TET3: variants seen among roughly 807,000 people sequenced by gnomAD.
The protein encoded by TET3 is tet methylcytosine dioxygenase 3.
TET3 carries 19 observed loss-of-function variants against 141.4 expected under a neutral mutation model. The ratio of observed to expected loss-of-function variants is 0.13; its 90% CI spans 0.09 to 0.20. TET3 has a LOEUF of 0.20. Among genes scored for constraint, TET3 ranks in the 10% least tolerant of loss-of-function variants. The pLI, the probability that TET3 is intolerant of heterozygous loss-of-function variation, is 1.00. For synonymous variants in TET3, 1,043 were observed against 980.9 expected (o/e 1.06, Z -1.18); for missense variants, 1,874 against 2,356.9 (o/e 0.80, Z 4.24).
chr2:74,101,643 A>G lies in TET3; in HGVS notation c.4855A>G (p.Lys1619Glu), dbSNP rs373142753. ...GGGGCCGGCTGAGGAGCCCCCCAGCAAGGGAGCGGTGAAGGAGGAGAAGGG... is the reference window on the plus strand; with the variant it reads ...GGGGCCGGCTGAGGAGCCCCCCAGCGAGGGAGCGGTGAAGGAGGAGAAGGG... ...EEGPAEEPPSKGAVKEEKGGG... is the reference protein window; with the variant it reads ...EEGPAEEPPSEGAVKEEKGGG... Residue 1619 changes from lysine (K) to glutamate (E), a missense_variant, in exon 12 of 12, where the codon AAG (lysine) becomes GAG (glutamate). By Grantham distance (56) the Lys-to-Glu change is moderately conservative (BLOSUM62 1). Around this residue, in one of 10 missense-constraint regions of TET3, gnomAD observed 602 missense variants for 590.2 expected, o/e 1.02. Coordinates refer to ENST00000409262, the MANE Select transcript of TET3 (RefSeq NM_001287491.2). This position sits in a 1 kb window ranked among gnomAD's most constrained non-coding sequence, Gnocchi z 8.5. The G allele has an allele frequency of 5.0e-6, 8 of 1,613,600 alleles. No individual in the cohort carries two copies. Among genetic ancestry groups the G allele is most frequent in the Non-Finnish European group, 5.9e-6 (7 of 1,179,802 alleles).
At chr2:73,984,765 AC>A (rs1304799624), upstream of TET3, among the ~76,000 whole-genome samples, 1 of 142,202 alleles carries the variant, frequency 7.0e-6, no homozygotes, top group Non-Finnish European at 1.5e-5. This position sits in a 1 kb window ranked among gnomAD's most constrained non-coding sequence, Gnocchi z 5.6. Flanking sequence ...CGCCCACCCG[AC>A]CCCTCCCCTC....
At chr2:74,099,844 G>T (rs779896319) in intron 11 of TET3, among the ~76,000 whole-genome samples, 1 of 152,110 alleles carries the variant, frequency 6.6e-6, no homozygotes, top group African/African-American at 2.4e-5. Context: ...GAAGCACTGG[G>T]TTTCTCCTCT....
the TET3 span, among the ~76,000 whole-genome samples, chr2:74,116,747 A>AT: frequency 6.6e-6 from 1 of 151,874 alleles, no homozygotes; most frequent in Middle Eastern, 3.2e-3. Context: ...ATTATTTGTC[A>AT]ATTTAAAAAA....
At chr2:74,112,811 G>C (rs141883935), downstream of TET3, among the ~76,000 whole-genome samples, 5 of 151,706 alleles carry the variant, frequency 3.3e-5, no homozygotes, top group African/African-American at 9.7e-5. Flanking sequence ...GACCAGCCTG[G>C]CCAACACGGT....
At chr2:74,132,315 A>T in the TET3 span, among the ~76,000 whole-genome samples, 1 of 152,016 alleles carries the variant, frequency 6.6e-6, no homozygotes, top group East Asian at 1.9e-4. Flanking sequence ...TGCTCTTACA[A>T]CGCGTTAGGC....
chr2:74,134,836 C>G, the TET3 span: 2 of 448,954 alleles, frequency 4.5e-6, no homozygotes, highest in Admixed American at 4.7e-5. Context: ...CTGCCACTAC[C>G]ACCATCCAGA....
intron 5 of TET3, among the ~76,000 whole-genome samples, chr2:74,076,283 T>G (rs960287209): frequency 4.6e-5 from 7 of 152,216 alleles, no homozygotes; most frequent in African/African-American, 1.7e-4. Flanking sequence ...GCAACTGGTT[T>G]ATTTTTATCT....
chr2:74,001,534 C>CTAGG (rs1684848390), intron 2 of TET3, among the ~76,000 whole-genome samples: 1 of 152,186 alleles, frequency 6.6e-6, no homozygotes, highest in Non-Finnish European at 1.5e-5. Context: ...TTACAACCAG[C>CTAGG]TAGGTAGTGA....
intron 4 of TET3, among the ~76,000 whole-genome samples, chr2:74,051,823 A>G (rs557802461): frequency 1.8e-4 from 28 of 152,274 alleles, no homozygotes; most frequent in South Asian, 1.7e-3. Flanking sequence ...AGGCAGTTGG[A>G]CTCTTAACCA....
intron 4 of TET3, among the ~76,000 whole-genome samples, chr2:74,072,042 A>G (rs1461028659): frequency 6.6e-6 from 1 of 152,178 alleles, no homozygotes; most frequent in African/African-American, 2.4e-5. Flanking sequence ...AAATATTTTC[A>G]TGATTCCAAA....
At chr2:74,011,539 C>T (rs542218449) in intron 3 of TET3, among the ~76,000 whole-genome samples, 5 of 152,206 alleles carry the variant, frequency 3.3e-5, no homozygotes, top group African/African-American at 4.8e-5. Flanking sequence ...GTGGGTTCCC[C>T]CTGTGATAGG....
chr2:74,135,495 A>G, the TET3 span: 3 of 1,545,954 alleles, frequency 1.9e-6, no homozygotes, highest in Non-Finnish European at 2.7e-6. Context: ...GTATATGAGC[A>G]AAATATATAA....
Position 74,104,821 on chromosome 2 carries a change from C to T in TET3, c.*2645C>T. The T allele has an allele frequency of 4.7e-6, 1 of 213,590 alleles. No individual in the cohort carries two copies. Among genetic ancestry groups the T allele is most frequent in the Non-Finnish European group, 9.1e-6 (1 of 109,422 alleles). The allele number at this position is 213,590 out of a possible 1,614,324, so 13.2% of individuals were successfully genotyped here. Reference sequence around the variant, plus strand: ...CCAAACAGCCTTGGTTCATCAGTTTCTGCAGTAGGAGATAGGCTGCTGAGA... The same window carrying T: ...CCAAACAGCCTTGGTTCATCAGTTTTTGCAGTAGGAGATAGGCTGCTGAGA... On this transcript the variant is annotated 3_prime_UTR_variant, in exon 12 of 12. Transcript: ENST00000409262.
intron 4 of TET3, among the ~76,000 whole-genome samples, chr2:74,062,838 C>A (rs1422000599): frequency 6.6e-6 from 1 of 150,750 alleles, no homozygotes; most frequent in East Asian, 1.9e-4. Context: ...AAAAGAGAAC[C>A]GTATGCTGAA....
intron 3 of TET3, among the ~76,000 whole-genome samples, chr2:74,003,457 A>G (rs1573660168): frequency 7.3e-6 from 1 of 136,858 alleles, no homozygotes; most frequent in Non-Finnish European, 1.5e-5. Flanking sequence ...AAGACATGCA[A>G]CCCACTCCCC....
chr2:74,019,735 G>T (rs1685929827), intron 3 of TET3, among the ~76,000 whole-genome samples: 2 of 152,354 alleles, frequency 1.3e-5, no homozygotes, highest in East Asian at 3.9e-4. Flanking sequence ...CCTGCAGGCT[G>T]TGATCTGGAT....
rs1465472441 is a variant in TET3, at chr2:73,986,390, C to T, written c.-14C>T. ...TTCTGCCCCAGCACCTATGACCCCA[C>T]CTCTGGCAGCATCATGAGCCAGTTT... On this transcript the variant is annotated 5_prime_UTR_variant, in exon 2 of 12. Transcript: ENST00000409262. 5.7e-6 allele frequency: 7 copies of T among 1,232,094 alleles called. No homozygotes were observed. Among genetic ancestry groups the T allele is most frequent in the African/African-American group, 4.7e-5 (3 of 64,432 alleles). 76.3% of individuals were successfully genotyped at this position (1,232,094 alleles called of 1,614,324 possible).
Position 74,105,013 on chromosome 2 carries a change from T to C in TET3, c.*2837T>C. 2.5e-6 allele frequency: 1 copy of C among 397,488 alleles called. No homozygotes were observed. The highest frequency in any genetic ancestry group is 4.4e-6 in the Non-Finnish European group (1 of 225,894). 24.6% of individuals were successfully genotyped at this position (397,488 alleles called of 1,614,324 possible). On this transcript the variant is annotated 3_prime_UTR_variant, in exon 12 of 12. Coordinates refer to ENST00000409262, the MANE Select transcript of TET3 (RefSeq NM_001287491.2). ...AAAATTAGCATGCTTTAGACATATA[T>C]TTAAAAAGTAACTATGCACAGCTCT...
intron 3 of TET3, among the ~76,000 whole-genome samples, chr2:74,043,560 G>A (rs1057431621): frequency 7.2e-5 from 11 of 152,214 alleles, no homozygotes; most frequent in African/African-American, 1.2e-4. Flanking sequence ...GTAGGTAGGG[G>A]AAGAGGTGAC....
Sources: allele counts gnomAD v4.1 joint callset (sites outside exome capture counted in the v4.1 genomes callset), GRCh38; gene constraint gnomAD v4.1.1; regional missense constraint gnomAD v4.1.1; non-coding constraint Gnocchi (gnomAD v3.1); transcripts MANE v1.5; gene names NCBI Gene and HGNC (gene_info 2026-07-23, HGNC 2026-07-21).